Variants in PPP1R9A observed in about 807,000 individuals in gnomAD.
PPP1R9A encodes the protein protein phosphatase 1 regulatory subunit 9A, also known as neurabin-1.
PPP1R9A carries 59 observed loss-of-function variants against 141.9 expected under a neutral mutation model. The observed-to-expected ratio is 0.42, with a 90% CI of 0.34 to 0.52. The LOEUF (loss-of-function observed/expected upper bound fraction) is 0.52, where lower values mean the gene tolerates loss of function less well. Ranked by LOEUF, PPP1R9A falls within the 20% of genes least tolerant of loss-of-function variation. The probability of loss-of-function intolerance (pLI) is 0.10; values close to 1 mark genes in which losing one functional copy is unlikely to be tolerated. For synonymous variants in PPP1R9A, 500 were observed against 569.7 expected, an observed-to-expected ratio of 0.88 and a Z score of 1.74; for missense variants, 1,444 against 1,611.9, an observed-to-expected ratio of 0.90 and a Z score of 1.78.
chr7:95,137,487 G>A (rs898111334), intron 4 of PPP1R9A, among the ~76,000 whole-genome samples: 1 of 149,538 alleles, frequency 6.7e-6, no homozygotes, highest in East Asian at 2.0e-4. Context: ...TTTAGTTAAT[G>A]TGAGGATGTT....
chr7:94,931,421 C>A (rs1794141474), intron 2 of PPP1R9A, among the ~76,000 whole-genome samples: 1 of 152,032 alleles, frequency 6.6e-6, no homozygotes, highest in Non-Finnish European at 1.5e-5. Context: ...AAACAGATAT[C>A]ATATTATAAA....
chr7:95,234,897 A>G (rs1796467564), intron 8 of PPP1R9A, among the ~76,000 whole-genome samples: 1 of 152,170 alleles, frequency 6.6e-6, no homozygotes, highest in Non-Finnish European at 1.5e-5. Flanking sequence ...GACAAAGCAA[A>G]CAAAAACATG....
chr7:95,089,910 G>A lies in PPP1R9A; in HGVS notation c.1396-21349G>A, dbSNP rs539796486. 3.9e-5 allele frequency among the ~76,000 whole-genome samples: 6 copies of A among 151,968 alleles called. No individual in the cohort carries two copies. The South Asian group carries it at 1.2e-3, about 31-fold the overall frequency. On this transcript the variant is annotated intron_variant, in intron 2 of 19. Transcript: ENST00000433360. The stretch of plus-strand genomic sequence containing the variant: ...AAAAAGCCATTGTGAACTAAGCTCA[G>A]GAAATTTCAACTGAAGCATGGTATT...
chr7:94,949,921 TTTG>T (rs1462679648), intron 2 of PPP1R9A, among the ~76,000 whole-genome samples: 1 of 152,014 alleles, frequency 6.6e-6, no homozygotes, highest in Admixed American at 6.6e-5. Flanking sequence ...TTTTTTTTTT[TTTG>T]AATGGTCACT....
intron 2 of PPP1R9A, among the ~76,000 whole-genome samples, chr7:95,093,416 AT>A (rs2152351295): frequency 6.6e-6 from 1 of 152,318 alleles, no homozygotes; most frequent in Non-Finnish European, 1.5e-5. Context: ...CCGGCTCTGT[AT>A]TTCAACCTGA....
rs1291590439 is a variant in PPP1R9A, at chr7:95,290,362, C to T, written c.*59C>T. 4.0e-6 allele frequency: 6 copies of T among 1,506,404 alleles called. No individual in the cohort carries two copies. The African/African-American group carries it at 4.2e-5, about 11-fold the overall frequency. 93.3% of individuals were successfully genotyped at this position (1,506,404 alleles called of 1,614,324 possible). On this transcript the variant is annotated 3_prime_UTR_variant, in exon 20 of 20. Coordinates refer to ENST00000433360, the MANE Select transcript of PPP1R9A (RefSeq NM_001166160.2). ...AAGAGAAGTCCCCACCTCTTCCTGC[C>T]CTGCTCTCCTCCAGAGGATGAAAAA...
chr7:95,255,999 A>G (rs2522316), intron 12 of PPP1R9A, among the ~76,000 whole-genome samples: 52,054 of 151,690 alleles, frequency 0.34, 9,830 homozygotes, highest in Middle Eastern at 0.48. Context: ...TCATTTTCAC[A>G]CCTACCTACT....
chr7:94,928,243 GGT>G (rs113030678), intron 2 of PPP1R9A, among the ~76,000 whole-genome samples: 471 of 151,600 alleles, frequency 3.1e-3, no homozygotes, highest in African/African-American at 0.011. Context: ...ACATGAAGGG[GGT>G]GTGTGTGTGT....
In PPP1R9A at chr7:95,219,958, C is replaced by T. The variant is rs866458543; in HGVS notation, c.1957-6003C>T. 8.5e-5 allele frequency among the ~76,000 whole-genome samples: 13 copies of T among 152,224 alleles called. No individual in the cohort carries two copies. In the East Asian group the frequency reaches 1.4e-3, roughly 16 times the overall value. On this transcript the variant is annotated intron_variant, in intron 7 of 19. Transcript: ENST00000433360. ...ATGGTGAAAACAATCATAATCATAACGTCATGCAGTCAGTTAGCATATTCT... is the reference window on the plus strand; with the variant it reads ...ATGGTGAAAACAATCATAATCATAATGTCATGCAGTCAGTTAGCATATTCT...
chr7:95,211,154 A>C (rs894588560), intron 7 of PPP1R9A, among the ~76,000 whole-genome samples: 3 of 151,444 alleles, frequency 2.0e-5, no homozygotes, highest in African/African-American at 7.3e-5. Context: ...AAAAAAAAAA[A>C]AACATTAAAA....
intron 4 of PPP1R9A, among the ~76,000 whole-genome samples, chr7:95,150,370 T>G (rs1340433355): frequency 6.6e-6 from 1 of 152,208 alleles, no homozygotes; most frequent in Non-Finnish European, 1.5e-5. Context: ...TGGCACAATC[T>G]CGGCTCACTG....
intron 14 of PPP1R9A, among the ~76,000 whole-genome samples, chr7:95,270,419 G>A (rs1801991854): frequency 6.6e-6 from 1 of 152,074 alleles, no homozygotes; most frequent in African/African-American, 2.4e-5. Context: ...ACAGGAGTTG[G>A]CGATTTTCTG....
chr7:94,983,692 C>G (rs1198877919), intron 2 of PPP1R9A, among the ~76,000 whole-genome samples: 1 of 152,144 alleles, frequency 6.6e-6, no homozygotes, highest in Non-Finnish European at 1.5e-5. Context: ...TATCCTGCGA[C>G]TTTGCTGAAG....
At chr7:95,092,218 ATGATGACAGC>A (rs1178461342) in intron 2 of PPP1R9A, among the ~76,000 whole-genome samples, 1 of 152,288 alleles carries the variant, frequency 6.6e-6, no homozygotes, top group Non-Finnish European at 1.5e-5. Context: ...TTCAATTCTT[ATGATGACAGC>A]TGATGGATAT....
chr7:95,064,576 T>C (rs1256893208), intron 2 of PPP1R9A, among the ~76,000 whole-genome samples: 1 of 152,228 alleles, frequency 6.6e-6, no homozygotes, highest in Non-Finnish European at 1.5e-5. Flanking sequence ...AAGTGCACCT[T>C]ATTTGACCTC....
At chr7:95,160,099 T>G (rs10252044) in intron 4 of PPP1R9A, among the ~76,000 whole-genome samples, 1,743 of 151,802 alleles carry the variant, frequency 0.011, 30 homozygotes, top group African/African-American at 0.04. Context: ...ATATAAAATA[T>G]ATATAGAAAT....
intron 2 of PPP1R9A, among the ~76,000 whole-genome samples, chr7:94,941,768 T>C (rs973909301): frequency 6.6e-6 from 1 of 152,150 alleles, no homozygotes; most frequent in East Asian, 1.9e-4. Context: ...TATATATGTC[T>C]TACAAATGAT....
chr7:95,277,149 T>A (rs1803356855), intron 16 of PPP1R9A, among the ~76,000 whole-genome samples: 1 of 152,220 alleles, frequency 6.6e-6, no homozygotes, highest in Non-Finnish European at 1.5e-5. Flanking sequence ...CTTATTAGGC[T>A]AAGATTCTGA....
chr7:94,942,555 C>G (rs2150958072), intron 2 of PPP1R9A, among the ~76,000 whole-genome samples: 1 of 152,226 alleles, frequency 6.6e-6, no homozygotes, highest in African/African-American at 2.4e-5. Flanking sequence ...GCCTTCCCAG[C>G]ACTTTGGGAG....
Sources: allele counts gnomAD v4.1 joint callset (sites outside exome capture counted in the v4.1 genomes callset), GRCh38; gene constraint gnomAD v4.1.1; transcripts MANE v1.5; gene names NCBI Gene and HGNC (gene_info 2026-07-23, HGNC 2026-07-21).